The following TECPR2 variants were observed in gnomAD, a reference collection of about 807,000 sequenced individuals.
TECPR2 encodes the protein tectonin beta-propeller repeat containing 2, also known as tectonin beta-propeller repeat-containing protein 2.
In TECPR2, 65 loss-of-function variants were observed where a neutral mutation model predicts 138.1. The observed-to-expected ratio is 0.47, with a 90% CI of 0.39 to 0.58. TECPR2 has a LOEUF of 0.58. Ranked by LOEUF, TECPR2 falls within the 20% of genes least tolerant of loss-of-function variation. The pLI, the probability that TECPR2 is intolerant of heterozygous loss-of-function variation, is 0.00. For synonymous variants in TECPR2, 746 were observed against 749.8 expected, an observed-to-expected ratio of 0.99 and a Z score of 0.08; for missense variants, 1,553 against 1,824.5, an observed-to-expected ratio of 0.85 and a Z score of 2.71.
intron 4 of TECPR2, among the ~76,000 whole-genome samples, chr14:102,412,268 A>G (rs963861285): frequency 6.6e-6 from 1 of 151,610 alleles, no homozygotes; most frequent in African/African-American, 2.4e-5. Flanking sequence ...AGTAGCTGGG[A>G]CTATGGGTGC....
chr14:102,414,659 G>A lies in TECPR2; in HGVS notation c.504G>A (p.Val168=), dbSNP rs2139702850. 1.2e-6 allele frequency: 2 copies of A among 1,614,260 alleles called. No homozygotes were observed. The highest frequency in any genetic ancestry group is 1.7e-6 in the Non-Finnish European group (2 of 1,180,050). The change falls in exon 5 of 20, where the codon GTG becomes GTA. Residue 168 remains valine (V), a synonymous_variant. Coordinates refer to ENST00000359520, the MANE Select transcript of TECPR2 (RefSeq NM_014844.5). ...AGGGGCTCTGTAACTCCCAGCTGGTGTTGGAGGAGCCATCTTCCATTGTGC... is the reference window on the plus strand; with the variant it reads ...AGGGGCTCTGTAACTCCCAGCTGGTATTGGAGGAGCCATCTTCCATTGTGC... The part of the protein sequence containing the change: ...LDQGLCNSQL[V]LEEPSSIVQL...
chr14:102,463,443 A>T (rs1170359682), intron 16 of TECPR2, among the ~76,000 whole-genome samples: 2 of 151,292 alleles, frequency 1.3e-5, no homozygotes, highest in East Asian at 1.9e-4. Context: ...AAAAAAAGAA[A>T]AAAACAAAAA....
chr14:102,429,573 C>CT (rs1306648141), intron 7 of TECPR2, among the ~76,000 whole-genome samples: 1 of 152,192 alleles, frequency 6.6e-6, no homozygotes, highest in Non-Finnish European at 1.5e-5. Flanking sequence ...CCTCGGGGAA[C>CT]TTGTTCCTCA....
At chr14:102,371,777 T>C (rs1887514370) in intron 1 of TECPR2, among the ~76,000 whole-genome samples, 1 of 152,244 alleles carries the variant, frequency 6.6e-6, no homozygotes, top group Admixed American at 6.5e-5. Context: ...TGAGAAAATT[T>C]TGGTTTATCC....
At chr14:102,475,511 C>T (rs1890739776) in intron 17 of TECPR2, among the ~76,000 whole-genome samples, 1 of 152,042 alleles carries the variant, frequency 6.6e-6, no homozygotes, top group Non-Finnish European at 1.5e-5. Context: ...GGTCAGATGC[C>T]CAGGAGTGTT....
chr14:102,425,028 G>A lies in TECPR2; in HGVS notation c.688G>A (p.Asp230Asn), dbSNP rs1889277080. The A allele has an allele frequency of 1.4e-5, 23 of 1,614,162 alleles. No individual in the cohort carries two copies. The highest frequency in any genetic ancestry group is 1.9e-5 in the Non-Finnish European group (23 of 1,180,042). Reference protein sequence around the residue: ...CFIPGLCKQSDLTLYASRPGL... With the variant: ...CFIPGLCKQSNLTLYASRPGL... ...TATACCAGGACTCTGTAAGCAAAGT[G>A]ATCTAACCTTGTATGCGTCACGGCC... The change falls in exon 6 of 20, where the codon GAT (aspartate) becomes AAT (asparagine). Residue 230 changes from aspartate (D) to asparagine (N), a missense_variant. Asp to Asn is a conservative substitution (Grantham distance 23). Transcript: ENST00000359520.
At chr14:102,489,422 G>A (rs1263992144) in intron 17 of TECPR2, among the ~76,000 whole-genome samples, 3 of 151,598 alleles carry the variant, frequency 2.0e-5, no homozygotes, top group Non-Finnish European at 4.4e-5. Context: ...TTCAAAACCA[G>A]CCTGGCCAAA....
chr14:102,444,946 A>G (rs1281167130), intron 12 of TECPR2, among the ~76,000 whole-genome samples: 2 of 152,210 alleles, frequency 1.3e-5, no homozygotes, highest in African/African-American at 2.4e-5. Flanking sequence ...CTCCATCTCA[A>G]AAAACAGACA....
rs1415164593 is a variant in TECPR2, at chr14:102,440,570, T to C, written c.2713T>C (p.Trp905Arg). 3.1e-6 allele frequency: 5 copies of C among 1,614,034 alleles called. No individual in the cohort carries two copies. Among genetic ancestry groups the C allele is most frequent in the African/African-American group, 1.3e-5 (1 of 74,936 alleles). Reference sequence around the variant, plus strand: ...TGTGGCCCTGAGCGATGACACGGCCTGGATCATCAGGACCAGTGGGGACCT... The same window carrying C: ...TGTGGCCCTGAGCGATGACACGGCCCGGATCATCAGGACCAGTGGGGACCT... ...VFVALSDDTA[W>R]IIRTSGDLYL... The change falls in exon 11 of 20, where the codon TGG becomes CGG. Residue 905 changes from tryptophan (W) to arginine (R), a missense_variant. Coordinates refer to ENST00000359520, the MANE Select transcript of TECPR2 (RefSeq NM_014844.5).
chr14:102,495,699 C>T (rs1183631444), intron 17 of TECPR2, among the ~76,000 whole-genome samples: 2 of 152,262 alleles, frequency 1.3e-5, no homozygotes, highest in African/African-American at 4.8e-5. Context: ...CGGCCACCGC[C>T]CCGTCCTCCT....
chr14:102,497,452 G>A, intron 18 of TECPR2, 118 bp from the exon 19 acceptor site: 1 of 1,323,614 alleles, frequency 7.6e-7, no homozygotes, highest in Non-Finnish European at 9.9e-7. Flanking sequence ...CCCATCATGG[G>A]CACTCCGTCC....
chr14:102,414,775 G>A lies in TECPR2; in HGVS notation c.620G>A (p.Gly207Glu), dbSNP rs1333528929. 2 of 1,614,024 alleles carry A rather than the reference G, an allele frequency of 1.2e-6. No individual in the cohort carries two copies. Among genetic ancestry groups the A allele is most frequent in the Non-Finnish European group, 1.7e-6 (2 of 1,180,018 alleles). ...YTEEKSVRQI[G>E]TQPRKSTGKF... ...GAAGAAAAGTCTGTAAGGCAAATTG[G>A]AACACAACCAAGGAAAAGGTAAGTT... The change falls in exon 5 of 20, where the codon GGA becomes GAA. Residue 207 changes from glycine (G) to glutamate (E), a missense_variant. Gly to Glu is a moderately conservative substitution (Grantham distance 98). Transcript: ENST00000359520.
chr14:102,498,750 A>C lies in TECPR2; in HGVS notation c.*493A>C. The C allele has an allele frequency of 2.2e-6, 1 of 465,016 alleles. No homozygotes were observed. The highest frequency in any genetic ancestry group is 1.8e-5 in the South Asian group (1 of 55,276). The allele number at this position is 465,016 out of a possible 1,614,324, so 28.8% of individuals were successfully genotyped here. ...CCATCATAGGGGGGTGTCCCCCCAG[A>C]GACAAAGCTGCAGAGCACATTCCAT... is the stretch of plus-strand genomic sequence containing the variant. On this transcript the variant is annotated 3_prime_UTR_variant, in exon 20 of 20. Transcript: ENST00000359520.
chr14:102,431,340 ATTTTT>A (rs35092221), intron 7 of TECPR2, among the ~76,000 whole-genome samples: 1 of 111,736 alleles, frequency 8.9e-6, no homozygotes, highest in African/African-American at 3.5e-5. Flanking sequence ...GTTTTGGTGG[ATTTTT>A]TTTTTTTTTT....
intron 2 of TECPR2, among the ~76,000 whole-genome samples, chr14:102,397,238 A>G (rs1888338489): frequency 6.6e-6 from 1 of 152,164 alleles, no homozygotes; most frequent in Admixed American, 6.5e-5. Flanking sequence ...AACAAAACCC[A>G]GTAAACTTGA....
chr14:102,414,773 T>G lies in TECPR2; in HGVS notation c.618T>G (p.Ile206Met). ...CTGAAGAAAAGTCTGTAAGGCAAAT[T>G]GGAACACAACCAAGGAAAAGGTAAG... is the stretch of plus-strand genomic sequence containing the variant. ...FYTEEKSVRQ[I>M]GTQPRKSTGK... The change falls in exon 5 of 20, where the codon ATT (isoleucine) becomes ATG (methionine). Residue 206 changes from isoleucine to methionine, a missense_variant. Physicochemically the swap from Ile to Met is conservative, Grantham distance 10 (BLOSUM62 1). Coordinates refer to ENST00000359520, the MANE Select transcript of TECPR2 (RefSeq NM_014844.5). 6.2e-7 allele frequency: 1 copy of G among 1,614,204 alleles called. No individual in the cohort carries two copies. The highest frequency in any genetic ancestry group is 1.1e-5 in the South Asian group (1 of 91,086).
chr14:102,434,632 T>C lies in TECPR2; in HGVS notation c.1815T>C (p.Asp605=), dbSNP rs1235252325. The change falls in exon 9 of 20, where the codon GAT becomes GAC. Residue 605 remains aspartate (D), a synonymous_variant. Transcript: ENST00000359520. The part of the protein sequence containing the change: ...TGLGDEPCPA[D]DGPNSTQLPF... ...TCGGAGATGAGCCGTGTCCTGCAGA[T>C]GATGGACCAAATAGCACACAGTTAC... is the stretch of plus-strand genomic sequence containing the variant. 4 of 1,593,910 alleles carry C rather than the reference T, an allele frequency of 2.5e-6. No individual in the cohort carries two copies. The highest frequency in any genetic ancestry group is 2.6e-6 in the Non-Finnish European group (3 of 1,166,652).
chr14:102,438,251 G>C, intron 10 of TECPR2, 46 bp downstream of exon 10: 2 of 1,563,922 alleles, frequency 1.3e-6, no homozygotes, highest in Non-Finnish European at 1.7e-6. Flanking sequence ...CCCGCTCGCC[G>C]CTCCTGCTCC....
At chr14:102,377,190 C>G (rs1016874303) in intron 2 of TECPR2, among the ~76,000 whole-genome samples, 2 of 152,220 alleles carry the variant, frequency 1.3e-5, no homozygotes, top group African/African-American at 4.8e-5. Flanking sequence ...GCGTCTCGCT[C>G]TGTTGTCCAG....
Sources: gnomAD v4.1 joint callset for allele counts (sites outside exome capture counted in the v4.1 genomes callset) on GRCh38, gnomAD v4.1.1 for gene constraint, MANE v1.5 for transcripts, NCBI Gene and HGNC (gene_info 2026-07-23, HGNC 2026-07-21) for gene names.